The following SUN1 variants were observed in gnomAD, a reference collection of about 807,000 sequenced individuals.
The protein encoded by SUN1 is SUN domain-containing protein 1.
SUN1 carries 61 observed loss-of-function variants against 103.2 expected under a neutral mutation model. The ratio of observed to expected loss-of-function variants is 0.59; its 90% CI spans 0.48 to 0.73. SUN1 has a LOEUF of 0.73. SUN1 is among the 30% of genes least tolerant of loss of function. The pLI, the probability that SUN1 is intolerant of heterozygous loss-of-function variation, is 0.00. For synonymous variants in SUN1, 490 were observed against 425.7 expected (o/e 1.15, Z -1.86); for missense variants, 1,052 against 1,034.6 (o/e 1.02, Z -0.23).
chr7:861,185 C>T (rs920796730), intron 14 of SUN1, among the ~76,000 whole-genome samples, 195 bp from the exon 15 acceptor site: 1 of 152,220 alleles, frequency 6.6e-6, no homozygotes, highest in African/African-American at 2.4e-5. Flanking sequence ...GCCCTCCCAT[C>T]TCCATCTGAT....
At chr7:843,755 A>T (rs1812439784) in intron 5 of SUN1, 2 of 1,429,790 alleles carry the variant, frequency 1.4e-6, no homozygotes, top group Non-Finnish European at 1.8e-6. Context: ...TTTGGACTTG[A>T]CGTGAGCAAA....
intron 17 of SUN1, among the ~76,000 whole-genome samples, chr7:871,025 GGA>G (rs1841289247): frequency 6.6e-6 from 1 of 151,658 alleles, no homozygotes; most frequent in African/African-American, 2.4e-5. Flanking sequence ...CAAGTAGCTG[GGA>G]TTACAGGCGC....
At chr7:826,893 C>G (rs1792643800) in intron 1 of SUN1, among the ~76,000 whole-genome samples, 1 of 152,168 alleles carries the variant, frequency 6.6e-6, no homozygotes, top group Non-Finnish European at 1.5e-5. Flanking sequence ...TTGACGGTTG[C>G]TGTTTATAGG....
Position 820,989 on chromosome 7 carries a change from T to A in SUN1, c.-74+4316T>A, listed in dbSNP as rs546859564. 1.2e-3 allele frequency among the ~76,000 whole-genome samples: 189 copies of A among 152,092 alleles called. 2 individuals carry two copies. The highest frequency in any genetic ancestry group is 4.5e-3 in the African/African-American group (188 of 41,422). ...TCCATTGCATGCTTATGACTCAACT[T>A]CTTCTGGCCTAAGTCAGTTTTTATT... On this transcript the variant is annotated intron_variant, in intron 1 of 17. Transcript: ENST00000389574.
rs1012457612 is a variant in SUN1 at position 840,428 on chromosome 7, G to A, written c.266+1442G>A. On this transcript the variant is annotated intron_variant, in intron 2 of 18. Transcript: ENST00000401592. ...GTACTGCCACGCCGCGCTCTGCCGC[G>A]CCACGCTCCTGTGGCCGTCGTCCTC... 1.1e-4 allele frequency among the ~76,000 whole-genome samples: 17 copies of A among 152,172 alleles called. 1 individual carries two copies. The South Asian group carries it at 1.2e-3, about 11-fold the overall frequency.
intron 5 of SUN1, 66 bp from the exon 6 acceptor site, chr7:851,318 C>T (rs949294004): frequency 3.2e-5 from 45 of 1,413,644 alleles, no homozygotes; most frequent in Middle Eastern, 4.2e-4. Context: ...GCGTCCCCAC[C>T]GTGCTGTCAC....
intron 16 of SUN1, 146 bp from the exon 17 acceptor site, chr7:869,203 C>T (rs1839663785): frequency 1.0e-6 from 1 of 1,001,174 alleles, no homozygotes; most frequent in Admixed American, 2.3e-5. Context: ...AATGCCTTTC[C>T]CAGCTTATCT....
chr7:843,857 T>A, intron 5 of SUN1: 1 of 1,335,096 alleles, frequency 7.5e-7, no homozygotes, highest in Non-Finnish European at 9.6e-7. Context: ...TGTTCACACA[T>A]ACTGAAGGAG....
At chr7:850,240 C>A (rs1168687423) in intron 5 of SUN1, 2 of 557,568 alleles carry the variant, frequency 3.6e-6, no homozygotes, top group Middle Eastern at 8.4e-4. Context: ...ACTCTGTTGC[C>A]CAGGCTGGAG....
rs188935423 is a variant in SUN1 at position 838,923 on chromosome 7, G to A, written c.203G>A (p.Gly68Asp). The change falls in exon 2 of 19, where the codon GGT (glycine) becomes GAT (aspartate). Residue 68 changes from glycine to aspartate, a missense_variant. This residue lies in a region of SUN1 where 846 missense variants were observed against 774.5 expected (regional missense o/e 1.09). Transcript: ENST00000401592. ...LATTACTLGD[G>D]EAVGADSGTS... ...ACGACAGCATGCACCCTGGGGGATG[G>A]TGAGGCTGTGGGTGCCGACAGCGGC... 267 of 1,611,210 alleles carry A rather than the reference G, an allele frequency of 1.7e-4. 1 individual carries two copies. In the East Asian group the frequency reaches 4.8e-3, roughly 29 times the overall value.
chr7:866,491 C>G (rs572340566), intron 16 of SUN1, among the ~76,000 whole-genome samples: 3 of 151,268 alleles, frequency 2.0e-5, no homozygotes, highest in East Asian at 2.0e-4. Context: ...CCTTCACCCC[C>G]CCATCCCTCC....
In SUN1 at chr7:869,470, C is replaced by T; in HGVS notation, c.2102C>T (p.Ser701Leu). ...CTGGAGCACATCCCTAAGACGCTGT[C>T]GCCAACAGGCAACATCAGCAGCGCC... ...FTLEHIPKTL[S>L]PTGNISSAPK... Residue 701 changes from serine (S) to leucine (L), a missense_variant, in exon 17 of 19, where the codon TCG (serine) becomes TTG (leucine). Coordinates refer to ENST00000401592, the MANE Select transcript of SUN1 (RefSeq NM_001130965.3). 6.2e-7 allele frequency: 1 copy of T among 1,613,866 alleles called. No individual in the cohort carries two copies. The highest frequency in any genetic ancestry group is 8.5e-7 in the Non-Finnish European group (1 of 1,179,850).
At chr7:858,474 C>T (rs778656640) in intron 13 of SUN1, among the ~76,000 whole-genome samples, 1 of 152,186 alleles carries the variant, frequency 6.6e-6, no homozygotes, top group African/African-American at 2.4e-5. Context: ...CGTTCCAGCA[C>T]CACTGTGCGT....
upstream of SUN1, among the ~76,000 whole-genome samples, chr7:832,285 TA>T (rs2128224628): frequency 6.6e-6 from 1 of 152,262 alleles, no homozygotes; most frequent in East Asian, 1.9e-4. Flanking sequence ...TCTCAGGATA[TA>T]TGAGGGGACT....
At chr7:837,325 T>G (rs931004200) in intron 1 of SUN1, among the ~76,000 whole-genome samples, 8 of 152,226 alleles carry the variant, frequency 5.3e-5, no homozygotes, top group Non-Finnish European at 8.8e-5. Flanking sequence ...ACACGTGGAC[T>G]GTGCCGCTTT....
intron 15 of SUN1, among the ~76,000 whole-genome samples, chr7:864,427 G>T (rs1452883597): frequency 6.6e-6 from 1 of 151,938 alleles, no homozygotes; most frequent in Non-Finnish European, 1.5e-5. Context: ...GGTGGCACAT[G>T]CCTGTAATCC....
chr7:829,432 C>T (rs1227106087), upstream of SUN1, among the ~76,000 whole-genome samples: 6 of 152,166 alleles, frequency 3.9e-5, no homozygotes, highest in African/African-American at 1.2e-4. Flanking sequence ...TGGGGGCTCC[C>T]GCCTGCTGGC....
chr7:838,674 C>T, intron 1 of SUN1, 124 bp from the exon 2 acceptor site: 1 of 1,001,000 alleles, frequency 1.0e-6, no homozygotes, highest in South Asian at 1.9e-5. Context: ...GTGAGGTTGT[C>T]ACCCAGTAAT....
chr7:832,726 A>T, intron 1 of SUN1, 125 bp downstream of exon 1: 1 of 754,748 alleles, frequency 1.3e-6, no homozygotes, highest in Middle Eastern at 3.3e-4. Flanking sequence ...GGTGAAAAAA[A>T]ATAATAAACT....
Sources: gnomAD v4.1 joint callset for allele counts (sites outside exome capture counted in the v4.1 genomes callset) on GRCh38, gnomAD v4.1.1 for gene constraint, gnomAD v4.1.1 regional missense constraint, MANE v1.5 for transcripts, NCBI Gene and HGNC (gene_info 2026-07-23, HGNC 2026-07-21) for gene names.